HSF2BP: variants seen among roughly 807,000 people sequenced by gnomAD.
HSF2BP encodes heat shock transcription factor 2 binding protein.
A neutral mutation model predicts 35.0 loss-of-function variants in HSF2BP; 35 were observed. The ratio of observed to expected loss-of-function variants is 1.00; its 90% CI spans 0.76 to 1.32. The LOEUF (loss-of-function observed/expected upper bound fraction) is 1.32, where lower values mean the gene tolerates loss of function less well. Among genes scored for constraint, HSF2BP ranks in the 40% most tolerant of loss-of-function variants. The pLI, the probability that HSF2BP is intolerant of heterozygous loss-of-function variation, is 0.00. For synonymous variants in HSF2BP, 114 were observed against 117.4 expected (o/e 0.97, Z 0.18); for missense variants, 326 against 321.7 (o/e 1.01, Z -0.10).
chr21:43,601,619 C>T (rs2082053308), intron 7 of HSF2BP, among the ~76,000 whole-genome samples: 1 of 152,092 alleles, frequency 6.6e-6, no homozygotes, highest in Admixed American at 6.5e-5. Flanking sequence ...TTCACAGCAC[C>T]ATCTACCAAT....
At chr21:43,496,139 C>T in the HSF2BP span, among the ~76,000 whole-genome samples, 2 of 132,988 alleles carry the variant, frequency 1.5e-5, no homozygotes, top group African/African-American at 2.8e-5. Context: ...GTTTGTACAC[C>T]GAAAACTAAA....
At chr21:43,595,402 T>C (rs1037873543) in intron 7 of HSF2BP, among the ~76,000 whole-genome samples, 2 of 152,076 alleles carry the variant, frequency 1.3e-5, no homozygotes, top group Non-Finnish European at 2.9e-5. Flanking sequence ...CTCAGGCTTA[T>C]CATCACAACA....
rs541143403 is a variant in HSF2BP, at chr21:43,616,050, A to AT, written c.575-2104_575-2103insA. Among the ~76,000 whole-genome samples, 1,214 of 133,962 alleles carry AT rather than the reference A, an allele frequency of 9.1e-3. 8 individuals carry two copies. Among genetic ancestry groups the AT allele is most frequent in the East Asian group, 0.026 (128 of 4,872 alleles). The allele number at this position is 133,962 out of a possible 152,430, so 87.9% of individuals were successfully genotyped here. On this transcript the variant is annotated intron_variant, in intron 6 of 8. Coordinates refer to ENST00000291560, the MANE Select transcript of HSF2BP (RefSeq NM_007031.2). Reference sequence around the variant, plus strand: ...CTAATACATCGCTGAAGAAAAAAAAAAAATATATATATATATATATCATAG... The same window carrying AT: ...CTAATACATCGCTGAAGAAAAAAAAATAAATATATATATATATATATCATAG...
intron 8 of HSF2BP, among the ~76,000 whole-genome samples, chr21:43,577,500 C>T (rs2081658588): frequency 6.6e-6 from 1 of 152,178 alleles, no homozygotes; most frequent in Admixed American, 6.5e-5. Context: ...TATGGAAGGC[C>T]TGGGTTATTT....
chr21:43,657,333 C>G (rs184662386), intron 2 of HSF2BP, among the ~76,000 whole-genome samples: 40 of 152,322 alleles, frequency 2.6e-4, no homozygotes, highest in African/African-American at 8.9e-4. Flanking sequence ...GCACTCCAGT[C>G]TGGGCAACAG....
At chr21:43,467,737 CA>C in the HSF2BP span, among the ~76,000 whole-genome samples, 1 of 103,276 alleles carries the variant, frequency 9.7e-6, no homozygotes, top group Non-Finnish European at 2.0e-5. Flanking sequence ...CACACCACAC[CA>C]CAAACCACAC....
intron 2 of HSF2BP, chr21:43,657,858 G>A (rs2082897667): frequency 6.1e-6 from 6 of 985,452 alleles, no homozygotes; most frequent in African/African-American, 1.7e-5. Flanking sequence ...CCGGGTCCCC[G>A]CGTGGGTTTG....
intron 6 of HSF2BP, among the ~76,000 whole-genome samples, chr21:43,621,400 GC>G (rs1568920036): frequency 6.6e-6 from 1 of 152,110 alleles, no homozygotes; most frequent in Non-Finnish European, 1.5e-5. Context: ...GGTGGCACAT[GC>G]CTGTGGTCTC....
At chr21:43,640,144 A>T (rs1436190777) in intron 4 of HSF2BP, among the ~76,000 whole-genome samples, 3 of 152,118 alleles carry the variant, frequency 2.0e-5, no homozygotes, top group Non-Finnish European at 4.4e-5. Context: ...TACAAAAAAA[A>T]TTAAAAATTA....
chr21:43,619,687 C>G (rs1001141994), intron 6 of HSF2BP, among the ~76,000 whole-genome samples: 3 of 152,230 alleles, frequency 2.0e-5, no homozygotes, highest in African/African-American at 7.2e-5. Flanking sequence ...ATCTTAGGTT[C>G]CCTGGCAGAA....
In HSF2BP at chr21:43,630,326, G is replaced by A. The variant is rs772505378; in HGVS notation, c.570C>T (p.Val190=). The A allele has an allele frequency of 3.7e-6, 6 of 1,611,534 alleles. No individual in the cohort carries two copies. Among genetic ancestry groups the A allele is most frequent in the Admixed American group, 1.7e-5 (1 of 59,492 alleles). ...CTCAGGTGCGCCTGCACTTACTCGT[G>A]ACAATTCCAGCCAGAGCGAAAACAA... is the stretch of plus-strand genomic sequence containing the variant. ...SQFVFALAGI[V]TNVAAIACGR... The change falls in exon 6 of 9, where the codon GTC becomes GTT. Residue 190 remains valine, a synonymous_variant. Coordinates refer to ENST00000291560, the MANE Select transcript of HSF2BP (RefSeq NM_007031.2).
At chr21:43,603,628 T>C (rs1314803487) in intron 7 of HSF2BP, among the ~76,000 whole-genome samples, 1 of 152,132 alleles carries the variant, frequency 6.6e-6, no homozygotes, top group East Asian at 1.9e-4. Flanking sequence ...ACTGAAAAGC[T>C]ATGACCACTA....
chr21:43,639,661 GT>G (rs1383938185), intron 4 of HSF2BP, among the ~76,000 whole-genome samples: 1 of 151,628 alleles, frequency 6.6e-6, no homozygotes, highest in Admixed American at 6.5e-5. Flanking sequence ...CATGGAGAAA[GT>G]GAATCACTCA....
chr21:43,612,295 C>G (rs79593008), intron 7 of HSF2BP, among the ~76,000 whole-genome samples: 2 of 151,994 alleles, frequency 1.3e-5, no homozygotes, highest in East Asian at 3.9e-4. Context: ...CAAGAGACAC[C>G]GAGGCCAGGA....
chr21:43,652,794 T>C (rs2082807494), intron 3 of HSF2BP, among the ~76,000 whole-genome samples: 1 of 152,176 alleles, frequency 6.6e-6, no homozygotes. Flanking sequence ...TAACACCACG[T>C]TTCCTGGAGC....
intron 7 of HSF2BP, among the ~76,000 whole-genome samples, chr21:43,613,389 A>G (rs2082232981): frequency 6.6e-6 from 1 of 152,214 alleles, no homozygotes; most frequent in Non-Finnish European, 1.5e-5. Context: ...CCCACCCTGG[A>G]AAACACCTCA....
At chr21:43,650,553 T>A (rs2082770499) in intron 3 of HSF2BP, among the ~76,000 whole-genome samples, 1 of 151,872 alleles carries the variant, frequency 6.6e-6, no homozygotes, top group Non-Finnish European at 1.5e-5. Flanking sequence ...TTTAAACAAA[T>A]TTTTGATACC....
rs553140132 is a variant in HSF2BP at position 43,572,243 on chromosome 21, G to A, written c.796+19982C>T. Among the ~76,000 whole-genome samples, 6 of 152,326 alleles carry A rather than the reference G, an allele frequency of 3.9e-5. No homozygotes were observed. In the East Asian group the frequency reaches 1.2e-3, roughly 29 times the overall value. Reference sequence around the variant, plus strand: ...GGGAGTCACGAGGTGGCTGTGGGAGGTCCATGTGAAGGAAAGGCACAGGCA... The same window carrying A: ...GGGAGTCACGAGGTGGCTGTGGGAGATCCATGTGAAGGAAAGGCACAGGCA... On this transcript the variant is annotated intron_variant, in intron 8 of 8. Coordinates refer to ENST00000291560, the MANE Select transcript of HSF2BP (RefSeq NM_007031.2).
At chr21:43,604,585 C>T (rs372217511) in intron 7 of HSF2BP, among the ~76,000 whole-genome samples, 5 of 141,990 alleles carry the variant, frequency 3.5e-5, no homozygotes, top group Admixed American at 2.1e-4. Context: ...AATATACACA[C>T]ACCACCATAC....
Sources: gnomAD v4.1 joint callset for allele counts (sites outside exome capture counted in the v4.1 genomes callset) on GRCh38, gnomAD v4.1.1 for gene constraint, MANE v1.5 for transcripts, NCBI Gene and HGNC (gene_info 2026-07-23, HGNC 2026-07-21) for gene names.